Variants in TYW1 observed in about 807,000 individuals in gnomAD.
TYW1 encodes the protein tRNA-yW synthesizing protein 1 homolog, also known as S-adenosyl-L-methionine-dependent tRNA 4-demethylwyosine synthase TYW1.
TYW1 carries 46 observed loss-of-function variants against 96.2 expected under a neutral mutation model. The observed-to-expected ratio is 0.48, with a 90% CI of 0.38 to 0.61. The LOEUF is 0.61. Among genes scored for constraint, TYW1 ranks in the 20% least tolerant of loss-of-function variants. The pLI, the probability that TYW1 is intolerant of heterozygous loss-of-function variation, is 0.00. For synonymous variants in TYW1, 274 were observed against 323.0 expected (o/e 0.85, Z 1.63); for missense variants, 684 against 909.6 (o/e 0.75, Z 3.19).
intron 7 of TYW1, among the ~76,000 whole-genome samples, chr7:67,025,802 T>G (rs1271921707): frequency 6.6e-6 from 1 of 152,162 alleles, no homozygotes; most frequent in Non-Finnish European, 1.5e-5. Flanking sequence ...CAGCCTCAAT[T>G]TAACTGTGAG....
intron 10 of TYW1, among the ~76,000 whole-genome samples, chr7:67,071,578 G>A (rs1171909699): frequency 6.6e-6 from 1 of 151,602 alleles, no homozygotes; most frequent in Non-Finnish European, 1.5e-5. Flanking sequence ...TCAGCCTCCT[G>A]AGTAGCTAGG....
chr7:67,041,273 T>C (rs1311037034), intron 7 of TYW1, among the ~76,000 whole-genome samples: 1 of 152,084 alleles, frequency 6.6e-6, no homozygotes, highest in Admixed American at 6.6e-5. Context: ...CTGCTTGGCT[T>C]TTCTTTTTCT....
At chr7:67,151,581 G>C (rs913931922) in intron 13 of TYW1, among the ~76,000 whole-genome samples, 2 of 152,148 alleles carry the variant, frequency 1.3e-5, no homozygotes, top group African/African-American at 4.8e-5. Flanking sequence ...AATACATAGA[G>C]GAATATATCT....
chr7:66,999,762 T>A (rs1036176709), intron 3 of TYW1, among the ~76,000 whole-genome samples: 1 of 152,184 alleles, frequency 6.6e-6, no homozygotes, highest in Non-Finnish European at 1.5e-5. Context: ...GAAAGATGCT[T>A]CCCATTCTCT....
intron 7 of TYW1, among the ~76,000 whole-genome samples, chr7:67,048,075 A>G (rs1220192947): frequency 2.9e-5 from 2 of 70,118 alleles, no homozygotes; most frequent in Non-Finnish European, 5.8e-5. Context: ...GGCGTGAGCC[A>G]ACGTGCCCAG....
chr7:67,135,302 G>GTTTTTTTTTT lies in TYW1; in HGVS notation c.1698+17695_1698+17704dup, dbSNP rs869257148. ...TCTTTTTGAATATGATGTTAAAACA[G>GTTTTTTTTTT]TTTTTTTTTTTTTTTTTTTTGAGAC... is the stretch of plus-strand genomic sequence containing the variant. On this transcript the variant is annotated intron_variant, in intron 13 of 15. Coordinates refer to ENST00000359626, the MANE Select transcript of TYW1 (RefSeq NM_018264.4). Among the ~76,000 whole-genome samples the GTTTTTTTTTT allele has an allele frequency of 9.1e-4, 102 of 111,818 alleles. 5 individuals carry two copies. Among genetic ancestry groups the GTTTTTTTTTT allele is most frequent in the African/African-American group, 3.7e-3 (98 of 26,334 alleles). 73.4% of individuals were successfully genotyped at this position (111,818 alleles called of 152,430 possible).
At chr7:67,163,015 G>C (rs562456644) in intron 13 of TYW1, among the ~76,000 whole-genome samples, 6 of 152,084 alleles carry the variant, frequency 3.9e-5, no homozygotes, top group Admixed American at 2.6e-4. Flanking sequence ...GTCTTCAGCT[G>C]TTTACATTTT....
chr7:67,060,656 A>G (rs190282871), intron 9 of TYW1, among the ~76,000 whole-genome samples: 6 of 152,322 alleles, frequency 3.9e-5, no homozygotes, highest in African/African-American at 1.2e-4. Context: ...GTATTTCTTA[A>G]GTTAGGTTTT....
chr7:67,134,494 A>T lies in TYW1; in HGVS notation c.1698+16876A>T, dbSNP rs111718130. Among the ~76,000 whole-genome samples, 100 of 151,986 alleles carry T rather than the reference A, an allele frequency of 6.6e-4. 1 individual carries two copies. Among genetic ancestry groups the T allele is most frequent in the African/African-American group, 2.3e-3 (96 of 41,434 alleles). On this transcript the variant is annotated intron_variant, in intron 13 of 15. Transcript: ENST00000359626. ...GAGATGGAGGTTGCAGTGAGCCAAGATCACGCTACTGCACTCCAGGCTAGG... is the reference window on the plus strand; with the variant it reads ...GAGATGGAGGTTGCAGTGAGCCAAGTTCACGCTACTGCACTCCAGGCTAGG...
intron 3 of TYW1, among the ~76,000 whole-genome samples, chr7:67,006,446 T>C (rs889392551): frequency 3.4e-5 from 5 of 145,548 alleles, no homozygotes; most frequent in Admixed American, 6.8e-5. Context: ...TCCTTTTTTT[T>C]TTTTTTTTTT....
intron 13 of TYW1, among the ~76,000 whole-genome samples, chr7:67,142,136 C>T (rs558237798): frequency 1.3e-5 from 2 of 152,308 alleles, no homozygotes; most frequent in Admixed American, 1.3e-4. Flanking sequence ...TGTTCTGTCG[C>T]CCAGGCTGGA....
At chr7:67,203,133 G>A (rs1476004673) in intron 15 of TYW1, among the ~76,000 whole-genome samples, 1 of 152,190 alleles carries the variant, frequency 6.6e-6, no homozygotes, top group Non-Finnish European at 1.5e-5. Flanking sequence ...TTTGTAGTCC[G>A]ATACCAACTA....
At chr7:67,127,390 C>A (rs1247651310) in intron 13 of TYW1, among the ~76,000 whole-genome samples, 6 of 151,952 alleles carry the variant, frequency 3.9e-5, no homozygotes, top group Non-Finnish European at 8.8e-5. Context: ...GAACTCCTGA[C>A]CTCAAGTGAT....
intron 1 of TYW1, among the ~76,000 whole-genome samples, chr7:66,997,377 C>T (rs1329822292): frequency 6.6e-6 from 1 of 152,006 alleles, no homozygotes; most frequent in Non-Finnish European, 1.5e-5. Flanking sequence ...ACAAGTTTAA[C>T]CGTGAGCCTT....
chr7:67,029,221 C>T (rs918511688), intron 7 of TYW1, among the ~76,000 whole-genome samples: 12 of 151,310 alleles, frequency 7.9e-5, no homozygotes, highest in Admixed American at 4.6e-4. Context: ...CTCCTGACCT[C>T]GTGATCACCC....
chr7:67,047,492 ATGTT>A (rs1045784796), intron 7 of TYW1, among the ~76,000 whole-genome samples: 16 of 152,186 alleles, frequency 1.1e-4, no homozygotes, highest in African/African-American at 3.9e-4. Flanking sequence ...CAAATGATCA[ATGTT>A]TGTTTATGAA....
chr7:67,006,479 G>C (rs1235568189), intron 3 of TYW1, among the ~76,000 whole-genome samples: 1 of 103,328 alleles, frequency 9.7e-6, no homozygotes, highest in Non-Finnish European at 1.8e-5. Context: ...TCACCCAGTT[G>C]CCCAGGCTGG....
chr7:67,231,900 A>G (rs940619713), intron 15 of TYW1, among the ~76,000 whole-genome samples: 1 of 151,370 alleles, frequency 6.6e-6, no homozygotes, highest in African/African-American at 2.4e-5. Flanking sequence ...AAAGTTTTAA[A>G]TTGGGTCTTA....
intron 13 of TYW1, among the ~76,000 whole-genome samples, chr7:67,126,012 C>G (rs1448315657): frequency 6.6e-6 from 1 of 152,016 alleles, no homozygotes; most frequent in Non-Finnish European, 1.5e-5. Context: ...TTGAACCCAG[C>G]TGCTATAAAC....
Sources: gnomAD v4.1 joint callset for allele counts (sites outside exome capture counted in the v4.1 genomes callset) on GRCh38, gnomAD v4.1.1 for gene constraint, MANE v1.5 for transcripts, NCBI Gene and HGNC (gene_info 2026-07-23, HGNC 2026-07-21) for gene names.